Variants in NAV3 observed in about 807,000 individuals in gnomAD.
NAV3 encodes the protein neuron navigator 3, also known as pore membrane and/or filament interacting like protein 1.
A neutral mutation model predicts 244.7 loss-of-function variants in NAV3; 87 were observed. That is an observed-to-expected ratio of 0.36 (90% CI 0.30 to 0.42). The LOEUF (loss-of-function observed/expected upper bound fraction) is 0.42. NAV3 is among the 20% of genes least tolerant of loss of function. The probability of loss-of-function intolerance (pLI) is 1.00; values close to 1 mark genes in which losing one functional copy is unlikely to be tolerated. For missense variants in NAV3, 2,663 were observed against 2,893.3 expected, an observed-to-expected ratio of 0.92 and a Z score of 1.83; for synonymous variants, 1,126 against 1,042.2, an observed-to-expected ratio of 1.08 and a Z score of -1.55.
intron 2 of NAV3, among the ~76,000 whole-genome samples, chr12:77,634,639 T>A (rs1872073512): frequency 6.6e-6 from 1 of 152,170 alleles, no homozygotes; most frequent in African/African-American, 2.4e-5. Context: ...AGAACAGGTG[T>A]CGCCTATTTC....
At chr12:77,677,469 G>T (rs1040032761) in intron 2 of NAV3, among the ~76,000 whole-genome samples, 1 of 152,090 alleles carries the variant, frequency 6.6e-6, no homozygotes, top group East Asian at 1.9e-4. Context: ...TTTAAACAAG[G>T]GTCCCAACAC....
At chr12:78,177,998 T>C (rs556610116) in intron 28 of NAV3, among the ~76,000 whole-genome samples, 12 of 107,818 alleles carry the variant, frequency 1.1e-4, no homozygotes, top group African/African-American at 3.6e-4. Flanking sequence ...CCAAGCCCTA[T>C]GTATATTATG....
chr12:78,107,523 G>T (rs1385957648), intron 12 of NAV3, among the ~76,000 whole-genome samples: 2 of 151,892 alleles, frequency 1.3e-5, no homozygotes, highest in Non-Finnish European at 2.9e-5. Context: ...AACCTATGAA[G>T]TAAACCTTAT....
chr12:77,827,236 C>CAAAA (rs10615824), upstream of NAV3, among the ~76,000 whole-genome samples: 5 of 68,524 alleles, frequency 7.3e-5, no homozygotes, highest in Admixed American at 2.1e-4. Context: ...ACTCTGTCTC[C>CAAAA]AAAAAAAAAA....
intron 12 of NAV3, among the ~76,000 whole-genome samples, chr12:78,065,524 A>G (rs1884912408): frequency 6.6e-6 from 1 of 152,180 alleles, no homozygotes; most frequent in Non-Finnish European, 1.5e-5. Flanking sequence ...GCTTTAACAC[A>G]AAGATCAAAG....
chr12:77,621,997 A>T (rs1871391484), intron 2 of NAV3, among the ~76,000 whole-genome samples: 1 of 152,050 alleles, frequency 6.6e-6, no homozygotes, highest in Non-Finnish European at 1.5e-5. Context: ...GACATATTTA[A>T]ATTTATGTTT....
chr12:77,604,109 T>G (rs1251223618), intron 2 of NAV3, among the ~76,000 whole-genome samples: 1 of 151,954 alleles, frequency 6.6e-6, no homozygotes, highest in Non-Finnish European at 1.5e-5. Context: ...AAGAGAAACA[T>G]GAAAAGAAAC....
At chr12:77,667,095 A>C (rs190643302) in intron 2 of NAV3, among the ~76,000 whole-genome samples, 1 of 152,286 alleles carries the variant, frequency 6.6e-6, no homozygotes, top group Non-Finnish European at 1.5e-5. Context: ...TGAATGCAAA[A>C]ACTTTTGCAG....
At chr12:78,052,231 G>C (rs1336608352) in intron 11 of NAV3, 1 of 152,106 alleles carries the variant, frequency 6.6e-6, no homozygotes, top group Admixed American at 6.5e-5. Flanking sequence ...CTAAAAAAGA[G>C]TACAAAATAG....
chr12:77,876,605 A>T (rs1373635636), intron 1 of NAV3, among the ~76,000 whole-genome samples: 1 of 152,092 alleles, frequency 6.6e-6, no homozygotes, highest in Non-Finnish European at 1.5e-5. Context: ...GTGCTTTTGC[A>T]ATTAGTGGAA....
chr12:77,716,289 T>C (rs982633791), intron 2 of NAV3, among the ~76,000 whole-genome samples: 3 of 151,624 alleles, frequency 2.0e-5, no homozygotes, highest in Admixed American at 1.3e-4. Flanking sequence ...TTTTTTTTTT[T>C]CCTTTGGTAT....
chr12:78,085,658 G>T (rs558507300), intron 12 of NAV3, among the ~76,000 whole-genome samples: 9 of 152,024 alleles, frequency 5.9e-5, no homozygotes, highest in South Asian at 2.1e-4. Flanking sequence ...AACATATTGC[G>T]TGTGGGCTGA....
intron 1 of NAV3, among the ~76,000 whole-genome samples, chr12:77,913,112 C>CAT (rs1886777684): frequency 6.6e-6 from 1 of 151,950 alleles, no homozygotes; most frequent in Non-Finnish European, 1.5e-5. Flanking sequence ...CTTAATGTAG[C>CAT]ATACTTGGCC....
chr12:77,707,514 A>G (rs1200348547), intron 2 of NAV3, among the ~76,000 whole-genome samples: 3 of 152,200 alleles, frequency 2.0e-5, no homozygotes, highest in Admixed American at 1.3e-4. Context: ...TAGTGCCACA[A>G]TGAATATATG....
At chr12:77,871,010 G>C (rs1010183834) in intron 1 of NAV3, among the ~76,000 whole-genome samples, 2 of 152,172 alleles carry the variant, frequency 1.3e-5, no homozygotes, top group African/African-American at 4.8e-5. Flanking sequence ...GCAAGACAGA[G>C]ATACATGAAG....
intron 1 of NAV3, among the ~76,000 whole-genome samples, chr12:77,921,975 CA>C (rs1395023564): frequency 6.6e-6 from 1 of 152,074 alleles, no homozygotes; most frequent in Non-Finnish European, 1.5e-5. Context: ...GTAAAGTGCC[CA>C]GCACATGGGC....
intron 3 of NAV3, among the ~76,000 whole-genome samples, chr12:77,944,583 CAT>C (rs1279803657): frequency 2.0e-5 from 3 of 151,902 alleles, no homozygotes; most frequent in African/African-American, 7.3e-5. Context: ...GGCTATTAGA[CAT>C]GTGTTTCTGA....
At chr12:77,672,632 G>A (rs1267182484) in intron 2 of NAV3, among the ~76,000 whole-genome samples, 2 of 151,936 alleles carry the variant, frequency 1.3e-5, no homozygotes. Context: ...TATAAGCTAT[G>A]AGGACACACA....
chr12:78,146,428 A>G, intron 21 of NAV3, 36 bp downstream of exon 21: 1 of 959,362 alleles, frequency 1.0e-6, no homozygotes, highest in Middle Eastern at 2.5e-4. Context: ...AATATTTTCT[A>G]TTTTAGTTTG....
Sources: allele counts gnomAD v4.1 joint callset (sites outside exome capture counted in the v4.1 genomes callset), GRCh38; gene constraint gnomAD v4.1.1; transcripts MANE v1.5; gene names NCBI Gene and HGNC (gene_info 2026-07-23, HGNC 2026-07-21).